The following KLRF2 variants were observed in gnomAD, a reference collection of about 807,000 sequenced individuals.
KLRF2 encodes killer cell lectin-like receptor subfamily F member 2.
KLRF2 carries 28 observed loss-of-function variants against 25.3 expected under a neutral mutation model. The ratio of observed to expected loss-of-function variants is 1.11; its 90% CI spans 0.82 to 1.52. KLRF2 has a LOEUF of 1.52. Ranked by LOEUF, KLRF2 falls within the 40% of genes most tolerant of loss-of-function variation. The pLI is 0.00. For synonymous variants in KLRF2, 73 were observed against 85.0 expected, an observed-to-expected ratio of 0.86 and a Z score of 0.78; for missense variants, 265 against 245.8, an observed-to-expected ratio of 1.08 and a Z score of -0.52.
intron 3 of KLRF2, among the ~76,000 whole-genome samples, chr12:9,889,949 T>C (rs1031047295): frequency 6.6e-6 from 1 of 152,130 alleles, no homozygotes; most frequent in Non-Finnish European, 1.5e-5. Flanking sequence ...TTTTTTATTA[T>C]ATACTTAAAT....
At chr12:9,884,892 T>C (rs1296799933) in intron 1 of KLRF2, 42 bp from the exon 2 acceptor site, 2 of 626,134 alleles carry the variant, frequency 3.2e-6, no homozygotes, top group Non-Finnish European at 5.0e-6. Flanking sequence ...AAAATATTTA[T>C]AAAGTGAATA....
chr12:9,882,915 T>C (rs941720351), intron 1 of KLRF2, among the ~76,000 whole-genome samples: 3 of 152,262 alleles, frequency 2.0e-5, no homozygotes, highest in African/African-American at 7.2e-5. Context: ...GATGCTTTTA[T>C]GTGGATGTTA....
rs187726382 is a variant in KLRF2 at position 9,895,799 on chromosome 12, C to A, written c.590C>A (p.Ala197Glu). 1.8e-5 allele frequency: 27 copies of A among 1,534,688 alleles called. No individual in the cohort carries two copies. Among genetic ancestry groups the A allele is most frequent in the African/African-American group, 8.2e-5 (6 of 72,892 alleles). The change falls in exon 6 of 6, where the codon GCG (alanine) becomes GAG (glutamate). Residue 197 changes from alanine (A) to glutamate (E), a missense_variant. Physicochemically the swap from Ala to Glu is moderately radical, Grantham distance 107 (BLOSUM62 -1). Coordinates refer to ENST00000535540, the MANE Select transcript of KLRF2 (RefSeq NM_001190765.1). ...STFKGICQRD[A>E]ILTHNGTSGV ...TTTAAGGGCATTTGCCAGAGAGATGCGATCTTGACGCACAATGGAACCAGT... is the reference window on the plus strand; with the variant it reads ...TTTAAGGGCATTTGCCAGAGAGATGAGATCTTGACGCACAATGGAACCAGT...
At chr12:9,893,895 G>A (rs1483783551) in intron 5 of KLRF2, among the ~76,000 whole-genome samples, 1 of 152,066 alleles carries the variant, frequency 6.6e-6, no homozygotes, top group Non-Finnish European at 1.5e-5. Flanking sequence ...TAAAAGCAAA[G>A]ACAAAATTCA....
intron 3 of KLRF2, among the ~76,000 whole-genome samples, chr12:9,889,357 A>T (rs1862645590): frequency 6.6e-6 from 1 of 151,994 alleles, no homozygotes; most frequent in Non-Finnish European, 1.5e-5. Context: ...TGTCACTGGG[A>T]AGATATTTTT....
At chr12:9,887,708 T>C (rs1289167586) in intron 2 of KLRF2, among the ~76,000 whole-genome samples, 12 of 151,340 alleles carry the variant, frequency 7.9e-5, no homozygotes, top group African/African-American at 2.7e-4. Flanking sequence ...AGGAACTTGA[T>C]GATATGGTCA....
At chr12:9,889,979 A>T (rs1862655122) in intron 3 of KLRF2, among the ~76,000 whole-genome samples, 1 of 152,146 alleles carries the variant, frequency 6.6e-6, no homozygotes, top group Non-Finnish European at 1.5e-5. Context: ...ATAAATATAC[A>T]TGAAAGTAGA....
chr12:9,881,722 G>A (rs1299991188), intron 1 of KLRF2, 57 bp downstream of exon 1: 65 of 1,200,810 alleles, frequency 5.4e-5, no homozygotes, highest in Non-Finnish European at 7.5e-5. Flanking sequence ...TCTAGGAAGA[G>A]AATTATCTTA....
intron 3 of KLRF2, 34 bp downstream of exon 3, chr12:9,888,814 T>A: frequency 7.5e-7 from 1 of 1,341,216 alleles, no homozygotes; most frequent in Non-Finnish European, 1.0e-6. Context: ...GTGCTACTCT[T>A]AGGGGTAAAT....
At chr12:9,887,169 C>T (rs751313722) in intron 2 of KLRF2, among the ~76,000 whole-genome samples, 24 of 151,908 alleles carry the variant, frequency 1.6e-4, no homozygotes, top group Non-Finnish European at 3.1e-4. Flanking sequence ...GTAATATAAA[C>T]CATTTCTCAA....
intron 4 of KLRF2, 64 bp downstream of exon 4, chr12:9,893,232 C>A: frequency 7.0e-7 from 1 of 1,434,588 alleles, no homozygotes; most frequent in Non-Finnish European, 9.3e-7. Flanking sequence ...AGTTCACTGC[C>A]TAAGAAGCTT....
intron 4 of KLRF2, 75 bp from the exon 5 acceptor site, chr12:9,893,354 C>G (rs1862709270): frequency 4.9e-6 from 4 of 818,204 alleles, no homozygotes; most frequent in Admixed American, 2.8e-5. Flanking sequence ...AATGCCGGCA[C>G]AGAGACTTAC....
chr12:9,888,883 C>A, intron 3 of KLRF2, 103 bp downstream of exon 3: 1 of 617,450 alleles, frequency 1.6e-6, no homozygotes, highest in Non-Finnish European at 2.9e-6. Flanking sequence ...GCCAACAGCA[C>A]TGGTGGAGAA....
intron 1 of KLRF2, among the ~76,000 whole-genome samples, chr12:9,884,609 T>C (rs114981335): frequency 0.019 from 2,802 of 148,562 alleles, 85 homozygotes; most frequent in African/African-American, 0.064. Flanking sequence ...ATTTATATTT[T>C]ATATAATATG....
chr12:9,891,458 A>T (rs140667708), intron 3 of KLRF2, among the ~76,000 whole-genome samples: 3 of 152,312 alleles, frequency 2.0e-5, no homozygotes, highest in African/African-American at 2.4e-5. Context: ...TGTGTCTGGC[A>T]GCACTCCAGT....
chr12:9,888,308 A>G (rs938536770), intron 2 of KLRF2, among the ~76,000 whole-genome samples: 1 of 151,132 alleles, frequency 6.6e-6, no homozygotes, highest in Non-Finnish European at 1.5e-5. Context: ...GGCTAATATC[A>G]TGAAACCCCA....
intron 1 of KLRF2, among the ~76,000 whole-genome samples, chr12:9,881,940 A>T (rs992803779): frequency 1.3e-5 from 2 of 152,098 alleles, no homozygotes; most frequent in Non-Finnish European, 2.9e-5. Flanking sequence ...AGGCTGAAAA[A>T]TTGTGTTTTT....
chr12:9,883,555 G>C (rs963169933), intron 1 of KLRF2, among the ~76,000 whole-genome samples: 1 of 152,148 alleles, frequency 6.6e-6, no homozygotes, highest in South Asian at 2.1e-4. Context: ...TGGCATGTAT[G>C]GAAAGAGCAC....
At chr12:9,892,634 G>A (rs1458962783) in intron 3 of KLRF2, among the ~76,000 whole-genome samples, 3 of 146,524 alleles carry the variant, frequency 2.0e-5, no homozygotes, top group Non-Finnish European at 4.5e-5. Context: ...GCCCAGGCTG[G>A]AGTGTAATGG....
Sources: allele counts gnomAD v4.1 joint callset (sites outside exome capture counted in the v4.1 genomes callset), GRCh38; gene constraint gnomAD v4.1.1; transcripts MANE v1.5; gene names NCBI Gene and HGNC (gene_info 2026-07-23, HGNC 2026-07-21).